The following IGFN1 variants were observed in gnomAD, a reference collection of about 807,000 sequenced individuals.
The protein encoded by IGFN1 is immunoglobulin-like and fibronectin type III domain-containing protein 1.
A neutral mutation model predicts 289.5 loss-of-function variants in IGFN1; 253 were observed. That is an observed-to-expected ratio of 0.87 (90% CI 0.79 to 0.97). IGFN1 has a LOEUF of 0.97. Ranked by LOEUF, IGFN1 falls within the 50% of genes least tolerant of loss-of-function variation. The probability of loss-of-function intolerance (pLI) is 0.00; values close to 1 mark genes in which losing one functional copy is unlikely to be tolerated. For missense variants in IGFN1, 4,470 were observed against 4,686.1 expected (o/e 0.95, Z 1.35); for synonymous variants, 1,706 against 1,788.5 (o/e 0.95, Z 1.16).
chr1:201,218,056 G>A (rs1023541714), intron 17 of IGFN1, among the ~76,000 whole-genome samples: 3 of 152,244 alleles, frequency 2.0e-5, no homozygotes, highest in Non-Finnish European at 2.9e-5. Flanking sequence ...CTCTGCATGC[G>A]TGCTGCGGAA....
rs3057870 is a variant in IGFN1 at position 201,220,182 on chromosome 1, T to TTC, written c.9899-1242_9899-1241dup. On this transcript the variant is annotated intron_variant, in intron 18 of 23. Coordinates refer to ENST00000335211, the MANE Select transcript of IGFN1 (RefSeq NM_001164586.2). The stretch of plus-strand genomic sequence containing the variant: ...CCCTCTCTTCTTTCTATCCCTTTCT[T>TTC]TCTCTCTCTCTCTCTCTCTCTAACA... Among the ~76,000 whole-genome samples the TTC allele has an allele frequency of 3.8e-3, 534 of 141,940 alleles. 7 individuals are homozygous for TTC. Among genetic ancestry groups the TTC allele is most frequent in the African/African-American group, 0.013 (502 of 37,482 alleles). 93.1% of individuals were successfully genotyped at this position (141,940 alleles called of 152,430 possible).
At chr1:201,193,430 A>G (rs1457026354) in intron 2 of IGFN1, 130 bp downstream of exon 2, 2 of 628,872 alleles carry the variant, frequency 3.2e-6, no homozygotes, top group East Asian at 2.8e-5. Flanking sequence ...TTTTCTCCTT[A>G]TTTTATTTTA....
chr1:201,193,710 C>T (rs1020941687), intron 2 of IGFN1, among the ~76,000 whole-genome samples: 6 of 152,140 alleles, frequency 3.9e-5, no homozygotes, highest in Admixed American at 6.5e-5. Flanking sequence ...CCTCGGCCTC[C>T]GAAAGTGCTG....
rs778268301 is a variant in IGFN1, at chr1:201,215,690, C to G, written c.9147C>G (p.Ser3049Arg). 6.2e-7 allele frequency: 1 copy of G among 1,613,808 alleles called. No homozygotes were observed. The change falls in exon 15 of 24, where the codon AGC (serine) becomes AGG (arginine). Residue 3049 changes from serine (S) to arginine (R), a missense_variant. By Grantham distance (110) the Ser-to-Arg change is moderately radical. This residue lies in a region of IGFN1 where 2,218 missense variants were observed against 2,114.1 expected (regional missense o/e 1.05). Transcript: ENST00000335211. Reference protein sequence around the residue: ...WRKDGAEVVGSSDREAQVDLG... With the variant: ...WRKDGAEVVGRSDREAQVDLG... ...AGGACGGGGCTGAGGTGGTGGGCAG[C>G]AGTGACAGGGAGGCCCAGGTGGACC...
Position 201,206,463 on chromosome 1 carries a change from C to A in IGFN1, c.1570C>A (p.Leu524Ile), listed in dbSNP as rs1199845763. 2 of 1,551,268 alleles carry A rather than the reference C, an allele frequency of 1.3e-6. No individual in the cohort carries two copies. Among genetic ancestry groups the A allele is most frequent in the South Asian group, 2.4e-5 (2 of 84,046 alleles). ...WARSLAERPH[L>I]QGESSESGLG... Reference sequence around the variant, plus strand: ...CAGAAGCCTTGCAGAGAGGCCCCATCTACAGGGAGAGAGCTCAGAATCAGG... The same window carrying A: ...CAGAAGCCTTGCAGAGAGGCCCCATATACAGGGAGAGAGCTCAGAATCAGG... The change falls in exon 12 of 24, where the codon CTA becomes ATA. Residue 524 changes from leucine (L) to isoleucine (I), a missense_variant. Physicochemically the swap from Leu to Ile is conservative, Grantham distance 5. Around this residue, in one of 8 missense-constraint regions of IGFN1, gnomAD observed 2,011 missense variants for 1,953.4 expected, o/e 1.03. Coordinates refer to ENST00000335211, the MANE Select transcript of IGFN1 (RefSeq NM_001164586.2).
At position 201,208,124 on chromosome 1, in the gene IGFN1, A is replaced by G. The variant is rs1195272830; in HGVS notation, c.3231A>G (p.Leu1077=). ...GAGGGCACCATTCAGATGGTGGCCT[A>G]GGGAGTCCTGGGGTGACAGGGTCTG... The part of the protein sequence containing the change: ...PRGGHHSDGG[L]GSPGVTGSAG... The change falls in exon 12 of 24, where the codon CTA becomes CTG. Residue 1077 remains leucine, a synonymous_variant. Transcript: ENST00000335211. 23 of 1,536,754 alleles carry G rather than the reference A, an allele frequency of 1.5e-5. No individual in the cohort carries two copies. The highest frequency in any genetic ancestry group is 1.9e-5 in the Non-Finnish European group (22 of 1,146,766).
intron 20 of IGFN1, among the ~76,000 whole-genome samples, chr1:201,223,349 A>ATTTAT (rs1653864169): frequency 7.0e-6 from 1 of 142,992 alleles, no homozygotes; most frequent in African/African-American, 2.6e-5. Context: ...TTGGACAAAT[A>ATTTAT]TTATTTATTT....
chr1:201,224,932 GA>G, intron 21 of IGFN1, 58 bp downstream of exon 21: 1 of 1,359,404 alleles, frequency 7.4e-7, no homozygotes, highest in Non-Finnish European at 1.0e-6. Flanking sequence ...CCAAGGCAAA[GA>G]GGTGTCCACT....
In IGFN1 at chr1:201,205,119, C is replaced by T; in HGVS notation, c.954C>T (p.Thr318=). Residue 318 remains threonine, a synonymous_variant, in exon 11 of 24, where the codon ACC becomes ACT. Transcript: ENST00000335211. ...PPRVVVPLAE[T]HCEEQGDAVF... Reference sequence around the variant, plus strand: ...GAGTGGTGGTCCCACTGGCGGAGACCCACTGTGAGGAGCAGGGTGACGCAG... The same window carrying T: ...GAGTGGTGGTCCCACTGGCGGAGACTCACTGTGAGGAGCAGGGTGACGCAG... 1 of 1,550,474 alleles carries T rather than the reference C, an allele frequency of 6.4e-7. No homozygotes were observed. Among genetic ancestry groups the T allele is most frequent in the Non-Finnish European group, 8.7e-7 (1 of 1,146,776 alleles).
chr1:201,227,595 T>C (rs896977719), intron 23 of IGFN1, among the ~76,000 whole-genome samples: 2 of 151,778 alleles, frequency 1.3e-5, no homozygotes, highest in Admixed American at 1.3e-4. Flanking sequence ...ACCTGGCGGA[T>C]TTTTTTGTAT....
chr1:201,226,858 C>T, intron 22 of IGFN1, 24 bp from the exon 23 acceptor site: 1 of 1,539,966 alleles, frequency 6.5e-7, no homozygotes, highest in Non-Finnish European at 8.8e-7. Context: ...TCACCCTCTT[C>T]TCTCACCCCG....
At position 201,212,786 on chromosome 1, in the gene IGFN1, CCAG is replaced by C; in HGVS notation, c.7894_7896del (p.Gln2632del). The C allele has an allele frequency of 6.4e-7, 1 of 1,551,526 alleles. No individual in the cohort carries two copies. The highest frequency in any genetic ancestry group is 8.7e-7 in the Non-Finnish European group (1 of 1,146,920). ...ATGCTTGGGCTCCTGATTGGGAAAA[CCAG>C]GGGTTTAGCCAAGGCAGCATAGATG... On this transcript the variant is annotated inframe_deletion, in exon 12 of 24. Transcript: ENST00000335211.
rs1344679113 is a variant in IGFN1, at chr1:201,206,849, A to G, written c.1956A>G (p.Ile652Met). ...CAAGTAGGGAAAGGGGGAGAGGAATAGTAGTGTGGGGTGGTGGGACTGGCC... is the reference window on the plus strand; with the variant it reads ...CAAGTAGGGAAAGGGGGAGAGGAATGGTAGTGTGGGGTGGTGGGACTGGCC... The part of the protein sequence containing the change: ...DAPSRERGRG[I>M]VVWGGGTGLG... The change falls in exon 12 of 24, where the codon ATA becomes ATG. Residue 652 changes from isoleucine (I) to methionine (M), a missense_variant. By Grantham distance (10) the Ile-to-Met change is conservative. Transcript: ENST00000335211. The G allele has an allele frequency of 2.6e-6, 4 of 1,536,598 alleles. No individual in the cohort carries two copies. Among genetic ancestry groups the G allele is most frequent in the South Asian group, 1.2e-5 (1 of 83,994 alleles).
intron 1 of IGFN1, among the ~76,000 whole-genome samples, chr1:201,192,361 G>A (rs1281201638): frequency 2.6e-5 from 4 of 152,138 alleles, no homozygotes. Flanking sequence ...ACAGAGGGTG[G>A]GACTGCTGGA....
rs1269549879 is a variant in IGFN1, at chr1:201,209,322, G to A, written c.4429G>A (p.Gly1477Ser). 1 of 1,482,804 alleles carries A rather than the reference G, an allele frequency of 6.7e-7. No individual in the cohort carries two copies. Among genetic ancestry groups the A allele is most frequent in the Non-Finnish European group, 8.9e-7 (1 of 1,126,298 alleles). The allele number at this position is 1,482,804 out of a possible 1,614,324, so 91.9% of individuals were successfully genotyped here. Residue 1477 changes from glycine to serine, a missense_variant, in exon 12 of 24, where the codon GGT becomes AGT. Around this residue, in one of 8 missense-constraint regions of IGFN1, gnomAD observed 2,011 missense variants for 1,953.4 expected, o/e 1.03. Coordinates refer to ENST00000335211, the MANE Select transcript of IGFN1 (RefSeq NM_001164586.2). ...GAGAATGGATTCAGGGAGCAAGGCA[G>A]GTTACAGGGGTGGTTTAAGGGGTTC... ...PERMDSGSKA[G>S]YRGGLRGSGE...
In IGFN1 at chr1:201,206,568, T is replaced by C. The variant is rs1667431667; in HGVS notation, c.1675T>C (p.Trp559Arg). 1.9e-6 allele frequency: 3 copies of C among 1,549,892 alleles called. No homozygotes were observed. Among genetic ancestry groups the C allele is most frequent in the East Asian group, 2.4e-5 (1 of 40,902 alleles). ...SDECWRKAGG[W>R]EAGSSRLQAG... ...TGAATGCTGGAGGAAAGCAGGAGGC[T>C]GGGAGGCTGGGTCCAGTCGGCTTCA... The change falls in exon 12 of 24, where the codon TGG becomes CGG. Residue 559 changes from tryptophan to arginine, a missense_variant. Trp to Arg is a moderately radical substitution (Grantham distance 101). Transcript: ENST00000335211.
At position 201,209,432 on chromosome 1, in the gene IGFN1, TA is replaced by T. The variant is rs1667604031; in HGVS notation, c.4540del (p.Arg1514GlyfsTer4). The T allele has an allele frequency of 2.0e-6, 3 of 1,532,454 alleles. No homozygotes were observed. Among genetic ancestry groups the T allele is most frequent in the African/African-American group, 1.4e-5 (1 of 71,580 alleles). 94.9% of individuals were successfully genotyped at this position (1,532,454 alleles called of 1,614,324 possible). A position where few individuals can be genotyped will look rare whatever the true frequency, so the allele number is the denominator to read the frequency against. ...GGGSGSKAGY[R>X]GGLGSGEMGS... ...GGGGTTCAGGGAGCAAAGCAGGTTA[TA>T]GGGGTGGCTTAGGTTCTGGGGAAAT... is the stretch of plus-strand genomic sequence containing the variant. On this transcript the variant is annotated frameshift_variant, in exon 12 of 24. Coordinates refer to ENST00000335211, the MANE Select transcript of IGFN1 (RefSeq NM_001164586.2). LOFTEE classifies it high-confidence loss of function.
rs775410507 is a variant in IGFN1, at chr1:201,228,819, T to G, written c.*420T>G. 7.8e-5 allele frequency: 16 copies of G among 206,012 alleles called. No individual in the cohort carries two copies. The highest frequency in any genetic ancestry group is 1.1e-4 in the Non-Finnish European group (11 of 102,278). 12.8% of individuals were successfully genotyped at this position (206,012 alleles called of 1,614,324 possible). A position where few individuals can be genotyped will look rare whatever the true frequency, so the allele number is the denominator to read the frequency against. ...GAAGAGGAGAGGAGGTCAGAGGACC[T>G]GGGTGAGGACTAGGGCATCAAGGTC... On this transcript the variant is annotated 3_prime_UTR_variant, in exon 24 of 24. Transcript: ENST00000335211.
chr1:201,219,909 T>C (rs992881708), intron 18 of IGFN1, among the ~76,000 whole-genome samples: 36 of 152,286 alleles, frequency 2.4e-4, no homozygotes, highest in African/African-American at 8.2e-4. Flanking sequence ...TTTCTTTTCT[T>C]CTCTGTTCTT....
Sources: allele counts gnomAD v4.1 joint callset (sites outside exome capture counted in the v4.1 genomes callset), GRCh38; gene constraint gnomAD v4.1.1; regional missense constraint gnomAD v4.1.1; transcripts MANE v1.5; gene names NCBI Gene and HGNC (gene_info 2026-07-23, HGNC 2026-07-21).